Variants in ATP8B4 observed in about 807,000 individuals in gnomAD.
The protein encoded by ATP8B4 is ATPase phospholipid transporting 8B4 (putative).
A neutral mutation model predicts 145.6 loss-of-function variants in ATP8B4; 133 were observed. The ratio of observed to expected loss-of-function variants is 0.91; its 90% CI spans 0.79 to 1.05. The LOEUF (loss-of-function observed/expected upper bound fraction) is 1.05. Among genes scored for constraint, ATP8B4 ranks in the 50% least tolerant of loss-of-function variants. The pLI, the probability that ATP8B4 is intolerant of heterozygous loss-of-function variation, is 0.00. For missense variants in ATP8B4, 1,458 were observed against 1,425.2 expected (o/e 1.02, Z -0.37); for synonymous variants, 507 against 492.9 (o/e 1.03, Z -0.38).
intron 2 of ATP8B4, among the ~76,000 whole-genome samples, chr15:50,086,659 T>G (rs1471814876): frequency 8.7e-6 from 1 of 114,886 alleles, no homozygotes; most frequent in South Asian, 2.5e-4. Context: ...AATAAAATAA[T>G]AGAGATCTAT....
At chr15:49,940,511 T>A (rs749437958) in intron 14 of ATP8B4, among the ~76,000 whole-genome samples, 22 of 152,116 alleles carry the variant, frequency 1.4e-4, no homozygotes, top group Admixed American at 3.9e-4. Context: ...AATATACCCA[T>A]GTAACAAACC....
intron 1 of ATP8B4, among the ~76,000 whole-genome samples, chr15:50,154,964 TTAACA>T (rs927028469): frequency 2.3e-4 from 35 of 152,158 alleles, no homozygotes; most frequent in African/African-American, 7.7e-4. Context: ...ATTACTTAAT[TTAACA>T]TAACATAACT....
intron 20 of ATP8B4, among the ~76,000 whole-genome samples, chr15:49,913,613 A>C (rs1213399463): frequency 2.0e-5 from 3 of 152,196 alleles, no homozygotes; most frequent in Non-Finnish European, 4.4e-5. Flanking sequence ...TCTTACATTC[A>C]GAAAAAATTC....
At chr15:50,084,194 A>G (rs1339462811) in intron 2 of ATP8B4, among the ~76,000 whole-genome samples, 2 of 152,196 alleles carry the variant, frequency 1.3e-5, no homozygotes, top group East Asian at 1.9e-4. Context: ...AGACGGGGTA[A>G]AAAACATGGA....
At chr15:50,045,206 C>A (rs2051622457) in intron 4 of ATP8B4, among the ~76,000 whole-genome samples, 1 of 152,042 alleles carries the variant, frequency 6.6e-6, no homozygotes, top group Non-Finnish European at 1.5e-5. Flanking sequence ...ATAAATAGTA[C>A]CCCCAGTACA....
intron 23 of ATP8B4, chr15:49,883,212 T>G (rs1375289760): frequency 6.6e-6 from 1 of 152,108 alleles, no homozygotes; most frequent in Non-Finnish European, 1.5e-5. Context: ...CATCTGACTG[T>G]TCCAGGTATT....
intron 3 of ATP8B4, among the ~76,000 whole-genome samples, chr15:50,059,232 G>C (rs1264840606): frequency 2.0e-5 from 3 of 152,114 alleles, no homozygotes; most frequent in African/African-American, 7.2e-5. Context: ...TCAATAAGAA[G>C]CCCATGTGGA....
In ATP8B4 at chr15:49,860,239, T is replaced by C; in HGVS notation, c.3534A>G (p.Thr1178=). 1.2e-6 allele frequency: 2 copies of C among 1,614,148 alleles called. No individual in the cohort carries two copies. The highest frequency in any genetic ancestry group is 1.7e-6 in the Non-Finnish European group (2 of 1,179,986). Residue 1178 remains threonine (T), a synonymous_variant, in exon 28 of 28, where the codon ACA becomes ACG. Transcript: ENST00000284509. ...CCTGGCTAAAGCTGCTCACGGTGTC[T>C]GTGGTTTTCTTACATAAATTTTCAA... ...SWIENLCKKT[T]DTVSSFSQDK...
chr15:49,953,733 C>T (rs974240541), intron 14 of ATP8B4, among the ~76,000 whole-genome samples: 6 of 152,246 alleles, frequency 3.9e-5, no homozygotes, highest in Admixed American at 2.0e-4. Flanking sequence ...GGTCACCCCT[C>T]CCTCGGGGAG....
At chr15:50,162,870 ATTCT>A (rs1416726553) in intron 1 of ATP8B4, among the ~76,000 whole-genome samples, 2 of 151,956 alleles carry the variant, frequency 1.3e-5, no homozygotes, top group Non-Finnish European at 2.9e-5. Flanking sequence ...AAGCTAACTA[ATTCT>A]TTATTCTGCT....
chr15:49,864,150 G>A (rs927483201), intron 26 of ATP8B4, among the ~76,000 whole-genome samples: 4 of 152,184 alleles, frequency 2.6e-5, no homozygotes, highest in Middle Eastern at 3.2e-3. Flanking sequence ...GGTAAACAAC[G>A]TATTACCAGT....
At chr15:50,021,413 T>C (rs1457429474) in intron 6 of ATP8B4, among the ~76,000 whole-genome samples, 1 of 152,232 alleles carries the variant, frequency 6.6e-6, no homozygotes, top group East Asian at 1.9e-4. Context: ...TCACTACCTC[T>C]AGGAATTGGC....
At chr15:49,910,504 C>G (rs1457761104) in intron 20 of ATP8B4, among the ~76,000 whole-genome samples, 1 of 152,104 alleles carries the variant, frequency 6.6e-6, no homozygotes, top group African/African-American at 2.4e-5. Flanking sequence ...CAGCAATCCC[C>G]AAACAGGTAC....
At chr15:49,866,547 C>A (rs558581314) in intron 25 of ATP8B4, 63 bp from the exon 26 acceptor site, 56 of 1,575,594 alleles carry the variant, frequency 3.6e-5, no homozygotes, top group South Asian at 1.2e-4. Context: ...CATTTTACCT[C>A]GTGATGTTTC....
chr15:50,075,304 A>G (rs1191505256), intron 2 of ATP8B4, among the ~76,000 whole-genome samples: 2 of 151,880 alleles, frequency 1.3e-5, no homozygotes, highest in African/African-American at 4.8e-5. Flanking sequence ...AGGAAGGAAT[A>G]TATTTCAGCA....
At chr15:50,168,802 T>C (rs1288704427) in intron 1 of ATP8B4, among the ~76,000 whole-genome samples, 1 of 152,134 alleles carries the variant, frequency 6.6e-6, no homozygotes, top group Non-Finnish European at 1.5e-5. Context: ...CAAGCCCCTC[T>C]CGCCCTCCTC....
intron 12 of ATP8B4, among the ~76,000 whole-genome samples, chr15:49,973,920 G>C (rs796594693): frequency 2.0e-5 from 3 of 152,096 alleles, no homozygotes; most frequent in African/African-American, 4.8e-5. Context: ...TTATTGGCCA[G>C]TGACATTTCT....
intron 6 of ATP8B4, among the ~76,000 whole-genome samples, chr15:50,012,412 C>G (rs925206282): frequency 1.3e-5 from 2 of 152,164 alleles, no homozygotes; most frequent in African/African-American, 4.8e-5. Flanking sequence ...CGTCTTATTT[C>G]CAAACTCTTA....
chr15:50,156,334 T>C (rs964230613), intron 1 of ATP8B4, among the ~76,000 whole-genome samples: 2 of 151,814 alleles, frequency 1.3e-5, no homozygotes, highest in African/African-American at 4.8e-5. Context: ...TCTAGGCTTC[T>C]TTTCCTTTAA....
Sources: gnomAD v4.1 joint callset for allele counts (sites outside exome capture counted in the v4.1 genomes callset) on GRCh38, gnomAD v4.1.1 for gene constraint, MANE v1.5 for transcripts, NCBI Gene and HGNC (gene_info 2026-07-23, HGNC 2026-07-21) for gene names.